The following ST6GALNAC5 variants were observed in gnomAD, a reference collection of about 807,000 sequenced individuals.
ST6GALNAC5 encodes the protein alpha-N-acetylgalactosaminide alpha-2,6-sialyltransferase 5.
Under a neutral mutation model 33.6 loss-of-function variants are expected in ST6GALNAC5, and 27 were observed. The observed-to-expected ratio is 0.80, with a 90% confidence interval of 0.59 to 1.11. ST6GALNAC5 has a LOEUF of 1.11. Among genes scored for constraint, ST6GALNAC5 ranks in the 50% least tolerant of loss-of-function variants. ST6GALNAC5 has a pLI of 0.00. For missense variants in ST6GALNAC5, 428 were observed against 454.0 expected (o/e 0.94, Z 0.52); for synonymous variants, 194 against 171.2 (o/e 1.13, Z -1.04).
At position 77,045,903 on chromosome 1, in the gene ST6GALNAC5, T is replaced by A. The variant is rs146488459; in HGVS notation, c.671+1290T>A. Reference sequence around the variant, plus strand: ...GCTCTGGGTTGGAACTCTGGCTCTGTCACTCTCTAGTTGTGAGGGCCTGGA... The same window carrying A: ...GCTCTGGGTTGGAACTCTGGCTCTGACACTCTCTAGTTGTGAGGGCCTGGA... On this transcript the variant is annotated intron_variant, in intron 3 of 4. Transcript: ENST00000477717. Among the ~76,000 whole-genome samples, 5 of 152,324 alleles carry A rather than the reference T, an allele frequency of 3.3e-5. No homozygotes were observed. The East Asian group carries it at 9.6e-4, about 29-fold the overall frequency.
At chr1:76,900,846 T>C (rs1052825406) in intron 2 of ST6GALNAC5, among the ~76,000 whole-genome samples, 2 of 152,232 alleles carry the variant, frequency 1.3e-5, no homozygotes, top group Non-Finnish European at 2.9e-5. Context: ...TTTAATCACA[T>C]TGATTTGTTG....
intron 2 of ST6GALNAC5, among the ~76,000 whole-genome samples, chr1:76,937,125 T>C (rs1647216223): frequency 6.6e-6 from 1 of 151,958 alleles, no homozygotes; most frequent in Non-Finnish European, 1.5e-5. Context: ...TATAGGTCTG[T>C]TAACAACATA....
At chr1:77,053,369 G>C (rs1652291659) in intron 4 of ST6GALNAC5, among the ~76,000 whole-genome samples, 1 of 152,260 alleles carries the variant, frequency 6.6e-6, no homozygotes, top group South Asian at 2.1e-4. Flanking sequence ...GCAGAGTTCT[G>C]TGTGTTTACT....
rs542743762 is a variant in ST6GALNAC5 at position 76,935,013 on chromosome 1, G to C, written c.261+66271G>C. 2.6e-5 allele frequency among the ~76,000 whole-genome samples: 4 copies of C among 152,108 alleles called. No individual in the cohort carries two copies. The East Asian group carries it at 7.7e-4, about 29-fold the overall frequency. ...ACTTGGCTTAATTACTGGTTTAATA[G>C]AAGTTATTTCAGCATAATAAGTATG... On this transcript the variant is annotated intron_variant, in intron 2 of 4. Transcript: ENST00000477717.
chr1:77,064,559 TCA>T lies in ST6GALNAC5; in HGVS notation c.*1355_*1356del, dbSNP rs1163311698. On this transcript the variant is annotated 3_prime_UTR_variant, in exon 5 of 5. Coordinates refer to ENST00000477717, the MANE Select transcript of ST6GALNAC5 (RefSeq NM_030965.3). ...CATTTATGCTATGAACTGTTTAGAC[TCA>T]CTACAAATCTTCTTAGATTATATTC... is the stretch of plus-strand genomic sequence containing the variant. 2.0e-5 allele frequency: 3 copies of T among 152,154 alleles called. No individual in the cohort carries two copies. Among genetic ancestry groups the T allele is most frequent in the Non-Finnish European group, 4.4e-5 (3 of 68,018 alleles). The allele number at this position is 152,154 out of a possible 1,614,324, so 9.4% of individuals were successfully genotyped here.
chr1:77,013,234 G>A (rs1017411191), intron 2 of ST6GALNAC5, among the ~76,000 whole-genome samples: 3 of 142,488 alleles, frequency 2.1e-5, no homozygotes, highest in Non-Finnish European at 1.5e-5. Flanking sequence ...CAGGGTCTAG[G>A]TCTCAATATG....
chr1:76,893,316 T>A (rs1654052518), intron 2 of ST6GALNAC5, among the ~76,000 whole-genome samples: 1 of 152,110 alleles, frequency 6.6e-6, no homozygotes, highest in African/African-American at 2.4e-5. Context: ...TATTGAGATA[T>A]AGAAGTGGTG....
In ST6GALNAC5 at chr1:77,062,986, AC is replaced by A; in HGVS notation, c.794del (p.Pro265LeufsTer63). 1 of 1,612,658 alleles carries A rather than the reference AC, an allele frequency of 6.2e-7. No individual in the cohort carries two copies. The highest frequency in any genetic ancestry group is 1.3e-5 in the African/African-American group (1 of 74,960). ...VPPDFCRDPN[H>X]PSVPYHYYEP... ...ATTTCCTCCTACAGGGATCCCAATC[AC>A]CCTTCAGTACCTTATCATTATTATG... On this transcript the variant is annotated frameshift_variant, in exon 5 of 5. Coordinates refer to ENST00000477717, the MANE Select transcript of ST6GALNAC5 (RefSeq NM_030965.3). LOFTEE classifies it high-confidence loss of function.
chr1:76,890,704 G>T (rs1653996078), intron 2 of ST6GALNAC5, among the ~76,000 whole-genome samples: 1 of 151,952 alleles, frequency 6.6e-6, no homozygotes, highest in Non-Finnish European at 1.5e-5. Flanking sequence ...AATATTATTT[G>T]TAAATTAAGT....
intron 2 of ST6GALNAC5, among the ~76,000 whole-genome samples, chr1:76,919,103 C>T (rs1647005378): frequency 6.6e-6 from 1 of 152,080 alleles, no homozygotes; most frequent in Admixed American, 6.6e-5. Flanking sequence ...GATTTTACCC[C>T]TTCAAATTCA....
intron 2 of ST6GALNAC5, among the ~76,000 whole-genome samples, chr1:77,043,540 C>T (rs1020266079): frequency 1.3e-5 from 2 of 152,148 alleles, no homozygotes; most frequent in East Asian, 1.9e-4. Context: ...CTCCCTCATC[C>T]GTTAAAATAG....
intron 2 of ST6GALNAC5, among the ~76,000 whole-genome samples, chr1:76,892,359 T>C (rs1654032098): frequency 6.6e-6 from 1 of 152,222 alleles, no homozygotes; most frequent in Non-Finnish European, 1.5e-5. Flanking sequence ...AACAGAACCA[T>C]GTTTAAGGCT....
At chr1:77,033,152 A>G (rs1453674101) in intron 2 of ST6GALNAC5, among the ~76,000 whole-genome samples, 1 of 152,222 alleles carries the variant, frequency 6.6e-6, no homozygotes, top group East Asian at 1.9e-4. Context: ...CAACCAATGT[A>G]CTAGCATTTC....
chr1:77,015,173 G>A (rs1216944795), intron 2 of ST6GALNAC5, among the ~76,000 whole-genome samples: 2 of 152,080 alleles, frequency 1.3e-5, no homozygotes, highest in Non-Finnish European at 2.9e-5. Context: ...GGGGACTCAG[G>A]AAAGCCAGTA....
At chr1:77,026,300 C>T (rs1030149663) in intron 2 of ST6GALNAC5, among the ~76,000 whole-genome samples, 1 of 152,218 alleles carries the variant, frequency 6.6e-6, no homozygotes, top group Non-Finnish European at 1.5e-5. Context: ...TAACCCTCTG[C>T]TCCTCTTATG....
At chr1:77,043,840 G>C (rs145444897) in intron 2 of ST6GALNAC5, among the ~76,000 whole-genome samples, 39 of 152,286 alleles carry the variant, frequency 2.6e-4, no homozygotes, top group Admixed American at 1.8e-3. Context: ...TAGGAATAAA[G>C]GGCAACTTTG....
At chr1:76,915,875 C>CAAAAAAAAA in intron 2 of ST6GALNAC5, among the ~76,000 whole-genome samples, 1 of 139,046 alleles carries the variant, frequency 7.2e-6, no homozygotes. Context: ...TGAAAAATAA[C>CAAAAAAAAA]AAAAAAAAAA....
chr1:77,063,295 T>C lies in ST6GALNAC5; in HGVS notation c.*89T>C. The C allele has an allele frequency of 1.6e-6, 2 of 1,242,522 alleles. No homozygotes were observed. The highest frequency in any genetic ancestry group is 2.3e-6 in the Non-Finnish European group (2 of 875,026). 77.0% of individuals were successfully genotyped at this position (1,242,522 alleles called of 1,614,324 possible). On this transcript the variant is annotated 3_prime_UTR_variant, in exon 5 of 5. Coordinates refer to ENST00000477717, the MANE Select transcript of ST6GALNAC5 (RefSeq NM_030965.3). ...TCCTGAGCCACCAGACAGGAAAGGGTAGCAGAAAACAGCTTCACTCCTCAG... is the reference window on the plus strand; with the variant it reads ...TCCTGAGCCACCAGACAGGAAAGGGCAGCAGAAAACAGCTTCACTCCTCAG...
At chr1:76,940,967 T>A (rs1415087631) in intron 2 of ST6GALNAC5, among the ~76,000 whole-genome samples, 2 of 152,080 alleles carry the variant, frequency 1.3e-5, no homozygotes, top group Non-Finnish European at 2.9e-5. Flanking sequence ...ATAGATTCAC[T>A]GAAAACTTTT....
Sources: gnomAD v4.1 joint callset for allele counts (sites outside exome capture counted in the v4.1 genomes callset) on GRCh38, gnomAD v4.1.1 for gene constraint, MANE v1.5 for transcripts, NCBI Gene and HGNC (gene_info 2026-07-23, HGNC 2026-07-21) for gene names.